AFF1: variants seen among roughly 807,000 people sequenced by gnomAD.
AFF1 encodes AF4/FMR2 family member 1.
AFF1 carries 48 observed loss-of-function variants against 121.7 expected under a neutral mutation model. The observed-to-expected ratio is 0.39, with a 90% CI of 0.31 to 0.50. AFF1 has a LOEUF of 0.50. Ranked by LOEUF, AFF1 falls within the 20% of genes least tolerant of loss-of-function variation. AFF1 has a pLI of 0.76. For synonymous variants in AFF1, 613 were observed against 563.0 expected, an observed-to-expected ratio of 1.09 and a Z score of -1.26; for missense variants, 1,523 against 1,511.7, an observed-to-expected ratio of 1.01 and a Z score of -0.12.
chr4:86,963,648 G>A (rs927267923), intron 2 of AFF1, among the ~76,000 whole-genome samples: 1 of 152,082 alleles, frequency 6.6e-6, no homozygotes, highest in African/African-American at 2.4e-5. Context: ...AGTTTAAAGG[G>A]GTTAAGTGGT....
intron 2 of AFF1, among the ~76,000 whole-genome samples, chr4:87,043,841 C>A (rs139108872): frequency 6.6e-6 from 1 of 150,404 alleles, no homozygotes; most frequent in African/African-American, 2.5e-5. Flanking sequence ...TTTTTTGAGA[C>A]GGAGTCTCGC....
At chr4:86,938,587 GTC>G (rs1205281828) in intron 1 of AFF1, among the ~76,000 whole-genome samples, 3 of 152,062 alleles carry the variant, frequency 2.0e-5, no homozygotes, top group Non-Finnish European at 4.4e-5. Flanking sequence ...CTTTCTAGTA[GTC>G]TCTTTTTTTA....
intron 5 of AFF1, among the ~76,000 whole-genome samples, chr4:87,087,064 G>GGGTGGGT (rs1723813524): frequency 1.3e-5 from 2 of 152,170 alleles, no homozygotes; most frequent in Non-Finnish European, 2.9e-5. Context: ...GGTGCATGGA[G>GGGTGGGT]ACACCTCAGA....
At chr4:87,003,255 A>AT (rs1725858906) in intron 2 of AFF1, among the ~76,000 whole-genome samples, 1 of 151,764 alleles carries the variant, frequency 6.6e-6, no homozygotes, top group African/African-American at 2.4e-5. Flanking sequence ...CTGTATTAAA[A>AT]TTTTTTTTCC....
At chr4:87,037,865 A>G (rs934020302) in intron 2 of AFF1, among the ~76,000 whole-genome samples, 3 of 152,162 alleles carry the variant, frequency 2.0e-5, no homozygotes, top group African/African-American at 4.8e-5. Context: ...GGTACCAAGA[A>G]TGTAAATTTC....
At chr4:87,075,034 C>T (rs1722506925) in intron 4 of AFF1, among the ~76,000 whole-genome samples, 1 of 152,158 alleles carries the variant, frequency 6.6e-6, no homozygotes, top group African/African-American at 2.4e-5. Context: ...TGAGCCTCTA[C>T]AAATTTTATA....
intron 2 of AFF1, among the ~76,000 whole-genome samples, chr4:87,025,565 G>A (rs1227235396): frequency 6.6e-6 from 1 of 152,178 alleles, no homozygotes; most frequent in East Asian, 1.9e-4. Flanking sequence ...CTACAGGGGT[G>A]GTTCTCCACA....
chr4:86,939,322 A>G (rs1432583600), intron 1 of AFF1, among the ~76,000 whole-genome samples: 4 of 152,322 alleles, frequency 2.6e-5, no homozygotes, highest in Middle Eastern at 6.8e-3. Context: ...CCTTTCTACT[A>G]TGGTACACTG....
intron 4 of AFF1, among the ~76,000 whole-genome samples, chr4:87,080,902 CT>C (rs1723097796): frequency 6.6e-6 from 1 of 152,150 alleles, no homozygotes; most frequent in South Asian, 2.1e-4. Flanking sequence ...ATAAAATGAT[CT>C]CATACTATGC....
At chr4:87,069,966 G>A (rs542560226) in intron 4 of AFF1, among the ~76,000 whole-genome samples, 15 of 151,266 alleles carry the variant, frequency 9.9e-5, no homozygotes, top group East Asian at 9.8e-4. Flanking sequence ...GATTACAGGC[G>A]TGTGCCACAA....
At chr4:86,941,327 G>A (rs9996533) in intron 1 of AFF1, among the ~76,000 whole-genome samples, 37,649 of 151,976 alleles carry the variant, frequency 0.25, 5,128 homozygotes, top group African/African-American at 0.37. Flanking sequence ...CCTAAGCAAC[G>A]TAGTGAGATC....
At chr4:87,127,312 C>T (rs868332743) in intron 15 of AFF1, among the ~76,000 whole-genome samples, 195 bp downstream of exon 15, 21 of 152,100 alleles carry the variant, frequency 1.4e-4, no homozygotes, top group African/African-American at 4.8e-4. Context: ...AGGCATGAGC[C>T]ATCATGCCTG....
chr4:87,026,075 T>C (rs1304134541), intron 2 of AFF1, among the ~76,000 whole-genome samples: 1 of 150,884 alleles, frequency 6.6e-6, no homozygotes. Context: ...TTTTTTTTTT[T>C]TTTTGCGTGG....
chr4:87,090,220 A>G, intron 6 of AFF1, 150 bp downstream of exon 6: 1 of 568,506 alleles, frequency 1.8e-6, no homozygotes, highest in Non-Finnish European at 3.0e-6. Flanking sequence ...AGTGCTTCAG[A>G]ATGCTTTCAA....
Position 87,115,256 on chromosome 4 carries a change from AGAG to A in AFF1, c.2427_2429del (p.Arg809del), listed in dbSNP as rs779999556. 1.2e-4 allele frequency: 199 copies of A among 1,613,054 alleles called. 1 individual carries two copies. The highest frequency in any genetic ancestry group is 1.4e-4 in the Non-Finnish European group (169 of 1,179,544). On this transcript the variant is annotated inframe_deletion, in exon 12 of 21. Coordinates refer to ENST00000395146, the MANE Select transcript of AFF1 (RefSeq NM_001166693.3). The stretch of plus-strand genomic sequence containing the variant: ...GCAGGGAAGAAGCACAGCTCTGAGA[AGAG>A]GAGCTCAGACAGCTCAAGCAAGTTG...
intron 2 of AFF1, among the ~76,000 whole-genome samples, chr4:87,042,493 G>A (rs1440518828): frequency 6.6e-6 from 1 of 152,146 alleles, no homozygotes; most frequent in Non-Finnish European, 1.5e-5. Context: ...GGACAGTGTG[G>A]GGAGAGCAAG....
intron 16 of AFF1, among the ~76,000 whole-genome samples, chr4:87,130,714 G>A (rs961471110): frequency 6.6e-6 from 1 of 152,114 alleles, no homozygotes; most frequent in Non-Finnish European, 1.5e-5. Flanking sequence ...AGAAATATGC[G>A]TCTGCATTAC....
intron 1 of AFF1, among the ~76,000 whole-genome samples, chr4:86,939,504 G>A (rs1720298080): frequency 1.3e-5 from 2 of 152,160 alleles, no homozygotes; most frequent in Admixed American, 1.3e-4. Flanking sequence ...AAAAAATTAT[G>A]CAAACCTATT....
intron 4 of AFF1, among the ~76,000 whole-genome samples, chr4:87,073,798 A>G (rs1722372272): frequency 6.6e-6 from 1 of 152,262 alleles, no homozygotes. Context: ...ACTCTCTGCA[A>G]CATAGAATTA....
Sources: gnomAD v4.1 joint callset for allele counts (sites outside exome capture counted in the v4.1 genomes callset) on GRCh38, gnomAD v4.1.1 for gene constraint, MANE v1.5 for transcripts, NCBI Gene and HGNC (gene_info 2026-07-23, HGNC 2026-07-21) for gene names.